The following ZNF385D variants were observed in gnomAD, a reference collection of about 807,000 sequenced individuals.
ZNF385D encodes zinc finger protein 659.
A neutral mutation model predicts 35.8 loss-of-function variants in ZNF385D; 15 were observed. That is an observed-to-expected ratio of 0.42 (90% CI 0.28 to 0.64). The LOEUF is 0.64. Ranked by LOEUF, ZNF385D falls within the 30% of genes least tolerant of loss-of-function variation. The pLI is 0.23. For synonymous variants in ZNF385D, 212 were observed against 186.8 expected (o/e 1.13, Z -1.10); for missense variants, 474 against 494.6 (o/e 0.96, Z 0.39).
chr3:22,304,657 G>C (rs1703106054), intron 2 of ZNF385D, among the ~76,000 whole-genome samples: 2 of 152,034 alleles, frequency 1.3e-5, no homozygotes, highest in Non-Finnish European at 2.9e-5. Flanking sequence ...CATATAATGA[G>C]GTTTCCAACT....
At chr3:22,242,498 C>T (rs1409705524) in intron 2 of ZNF385D, among the ~76,000 whole-genome samples, 1 of 150,540 alleles carries the variant, frequency 6.6e-6, no homozygotes, top group East Asian at 2.0e-4. Context: ...TCCCCGAAAT[C>T]AATAATTCCA....
At chr3:21,795,496 G>A (rs968628114) in intron 3 of ZNF385D, among the ~76,000 whole-genome samples, 1 of 152,220 alleles carries the variant, frequency 6.6e-6, no homozygotes, top group Non-Finnish European at 1.5e-5. Context: ...GACAGTGAGG[G>A]AGACAATGTA....
chr3:21,870,377 T>C (rs892398428), intron 3 of ZNF385D, among the ~76,000 whole-genome samples: 4 of 152,194 alleles, frequency 2.6e-5, no homozygotes, highest in African/African-American at 9.6e-5. Flanking sequence ...GGTTTCACCA[T>C]ACTAACAGTA....
intron 3 of ZNF385D, among the ~76,000 whole-genome samples, chr3:22,139,535 T>G (rs1008958172): frequency 1.3e-5 from 2 of 151,366 alleles, no homozygotes; most frequent in Non-Finnish European, 2.9e-5. Flanking sequence ...AAACACCTCA[T>G]GTTCTCACTC....
At chr3:22,097,424 G>C (rs1701691963) in intron 3 of ZNF385D, among the ~76,000 whole-genome samples, 1 of 152,032 alleles carries the variant, frequency 6.6e-6, no homozygotes, top group Admixed American at 6.6e-5. Flanking sequence ...GAGGTTATTG[G>C]CTAGGTCATA....
chr3:21,940,345 C>T (rs478832), intron 3 of ZNF385D, among the ~76,000 whole-genome samples: 39,995 of 152,016 alleles, frequency 0.26, 5,974 homozygotes, highest in Admixed American at 0.41. Context: ...TTGCTTACTC[C>T]CCATGTATCT....
chr3:21,819,551 C>T (rs1180221056), intron 3 of ZNF385D, among the ~76,000 whole-genome samples: 1 of 149,132 alleles, frequency 6.7e-6, no homozygotes, highest in Non-Finnish European at 1.5e-5. Context: ...TCTTAATTTG[C>T]TAGGAAAATA....
chr3:21,900,909 G>A (rs1055067090), intron 3 of ZNF385D, among the ~76,000 whole-genome samples: 2 of 152,086 alleles, frequency 1.3e-5, no homozygotes, highest in Admixed American at 6.6e-5. Flanking sequence ...GCCCTCCCAG[G>A]AAAGCACTAT....
intron 3 of ZNF385D, among the ~76,000 whole-genome samples, chr3:21,898,143 T>C (rs1259275728): frequency 1.3e-5 from 2 of 152,198 alleles, no homozygotes; most frequent in Non-Finnish European, 2.9e-5. Flanking sequence ...AGTATTACTT[T>C]TGAGGCCAAT....
At chr3:22,372,438 C>T (rs1696955549) in intron 2 of ZNF385D, 2 of 985,474 alleles carry the variant, frequency 2.0e-6, no homozygotes, top group Admixed American at 6.2e-5. Context: ...CCTCTTTTTG[C>T]ACTCAACTTA....
intron 3 of ZNF385D, among the ~76,000 whole-genome samples, chr3:21,530,887 A>C (rs2061905669): frequency 6.6e-6 from 1 of 152,156 alleles, no homozygotes; most frequent in African/African-American, 2.4e-5. Context: ...TTATTTATGC[A>C]CTTGTTCTTA....
chr3:21,707,878 G>T (rs2067965688), intron 1 of ZNF385D, among the ~76,000 whole-genome samples: 1 of 152,154 alleles, frequency 6.6e-6, no homozygotes, highest in Non-Finnish European at 1.5e-5. Flanking sequence ...AAGTGAGTAA[G>T]CAGGATTATA....
chr3:22,021,791 G>T (rs1435998678), intron 3 of ZNF385D, among the ~76,000 whole-genome samples: 1 of 152,030 alleles, frequency 6.6e-6, no homozygotes, highest in Non-Finnish European at 1.5e-5. Flanking sequence ...CTATATCTTG[G>T]AATGTTTTGG....
At chr3:22,020,926 AG>A (rs755874915) in intron 3 of ZNF385D, among the ~76,000 whole-genome samples, 3 of 152,032 alleles carry the variant, frequency 2.0e-5, no homozygotes, top group Non-Finnish European at 4.4e-5. Context: ...TATATACACA[AG>A]GGAATACTAT....
chr3:22,052,940 T>C (rs935678912), intron 3 of ZNF385D, among the ~76,000 whole-genome samples: 1 of 63,804 alleles, frequency 1.6e-5, no homozygotes, highest in Admixed American at 2.0e-4. Context: ...CAGAGGTTAC[T>C]GCTGTCTTTT....
At chr3:22,336,056 T>C (rs1695146858) in intron 2 of ZNF385D, among the ~76,000 whole-genome samples, 1 of 145,552 alleles carries the variant, frequency 6.9e-6, no homozygotes, top group South Asian at 2.1e-4. Flanking sequence ...ACAGATTAAA[T>C]ATACTAAACT....
At chr3:21,566,339 T>C (rs2063146468) in intron 2 of ZNF385D, among the ~76,000 whole-genome samples, 1 of 152,142 alleles carries the variant, frequency 6.6e-6, no homozygotes. Flanking sequence ...ATTAACAAAT[T>C]ATAGGCCAGG....
intron 2 of ZNF385D, among the ~76,000 whole-genome samples, chr3:21,629,563 C>G (rs2065224443): frequency 6.6e-6 from 1 of 152,190 alleles, no homozygotes; most frequent in Non-Finnish European, 1.5e-5. Flanking sequence ...GGCACATACT[C>G]TTGTCTGCCC....
chr3:21,555,618 G>A (rs1389987477), intron 3 of ZNF385D, among the ~76,000 whole-genome samples: 1 of 152,104 alleles, frequency 6.6e-6, no homozygotes, highest in East Asian at 1.9e-4. Context: ...TATCACTGAT[G>A]GGCATTTGGG....
Sources: gnomAD v4.1 joint callset for allele counts (sites outside exome capture counted in the v4.1 genomes callset) on GRCh38, gnomAD v4.1.1 for gene constraint, MANE v1.5 for transcripts, NCBI Gene and HGNC (gene_info 2026-07-23, HGNC 2026-07-21) for gene names.